The following TENM1 variants were observed in gnomAD, a reference collection of about 807,000 sequenced individuals.
TENM1 encodes teneurin transmembrane protein 1.
A neutral mutation model predicts 174.8 loss-of-function variants in TENM1; 35 were observed. The ratio of observed to expected loss-of-function variants is 0.20; its 90% CI spans 0.15 to 0.27. TENM1 has a LOEUF of 0.27. Among genes scored for constraint, TENM1 ranks in the 10% least tolerant of loss-of-function variants. TENM1 has a pLI of 1.00. For missense variants in TENM1, 1,633 were observed against 2,130.1 expected (o/e 0.77, Z 4.59); for synonymous variants, 781 against 798.7 (o/e 0.98, Z 0.37).
intron 4 of TENM1, among the ~76,000 whole-genome samples, chrX:124,720,352 C>T (rs1420448598): frequency 8.9e-6 from 1 of 112,162 alleles, no homozygotes; most frequent in Non-Finnish European, 1.9e-5. Flanking sequence ...CTTATTGTAA[C>T]CCAGACATTG....
At chrX:124,950,560 C>T (rs2058468015) in intron 1 of TENM1, among the ~76,000 whole-genome samples, 1 of 112,016 alleles carries the variant, frequency 8.9e-6, no homozygotes, top group African/African-American at 3.2e-5. Context: ...ATAGTGATTG[C>T]TGAGTTGAAC....
At chrX:124,693,635 G>T (rs2052581216) in intron 5 of TENM1, among the ~76,000 whole-genome samples, 1 of 111,009 alleles carries the variant, frequency 9.0e-6, no homozygotes, top group Admixed American at 9.6e-5. Flanking sequence ...GTACATTTCT[G>T]TTCTGAGTTT....
At chrX:124,839,271 T>G (rs1247611072) in intron 3 of TENM1, among the ~76,000 whole-genome samples, 4 of 111,791 alleles carry the variant, frequency 3.6e-5, no homozygotes, top group East Asian at 5.6e-4. Flanking sequence ...TATAGTAACA[T>G]TATACTATAC....
chrX:124,565,494 CCTT>C (rs2048920692), exon 12 of TENM1: 1 of 1,208,192 alleles, frequency 8.3e-7, no homozygotes, highest in South Asian at 1.8e-5. Context: ...TCCTACCCAG[CCTT>C]CTTCACACTG....
chrX:124,385,927 G>C, exon 29 of TENM1: 1 of 1,207,555 alleles, frequency 8.3e-7, no homozygotes, highest in Non-Finnish European at 1.1e-6. Flanking sequence ...GGGTGTAGAT[G>C]TTCCGGTAGT....
At chrX:124,663,895 T>C (rs1291863073) in intron 6 of TENM1, among the ~76,000 whole-genome samples, 1 of 111,352 alleles carries the variant, frequency 9.0e-6, no homozygotes, top group Non-Finnish European at 1.9e-5. Context: ...TTTCCATAAA[T>C]CTGTTTTAGA....
intron 25 of TENM1, among the ~76,000 whole-genome samples, chrX:124,409,424 A>G (rs1166086047): frequency 1.9e-5 from 2 of 108,101 alleles, no homozygotes; most frequent in Admixed American, 2.0e-4. Flanking sequence ...ATCATACTGA[A>G]TGGGCAAAAA....
chrX:124,867,691 G>A (rs1375686955), intron 3 of TENM1, among the ~76,000 whole-genome samples: 2 of 112,004 alleles, frequency 1.8e-5, no homozygotes, highest in African/African-American at 6.5e-5. Flanking sequence ...AAAGGACGAA[G>A]TGAAATTATC....
chrX:124,994,835 C>T, the TENM1 span, among the ~76,000 whole-genome samples: 1 of 111,494 alleles, frequency 9.0e-6, no homozygotes, highest in Non-Finnish European at 1.9e-5. Context: ...GCTTTTCATA[C>T]TGTAGTCAGA....
chrX:124,919,285 A>G (rs1159637164), intron 1 of TENM1, among the ~76,000 whole-genome samples: 1 of 112,038 alleles, frequency 8.9e-6, no homozygotes, highest in Admixed American at 9.5e-5. Context: ...ATTTCGATCA[A>G]TTGAAAGCTG....
At chrX:124,842,907 C>A (rs2056531006) in intron 3 of TENM1, among the ~76,000 whole-genome samples, 1 of 111,180 alleles carries the variant, frequency 9.0e-6, no homozygotes, top group Non-Finnish European at 1.9e-5. Flanking sequence ...GGACTATATT[C>A]CTCTGCATTG....
At chrX:125,050,311 C>T in the TENM1 span, among the ~76,000 whole-genome samples, 1 of 109,687 alleles carries the variant, frequency 9.1e-6, no homozygotes, top group Admixed American at 9.8e-5. Flanking sequence ...TCCCTCCCCC[C>T]TGCCCCCACC....
chrX:125,187,652 G>A, the TENM1 span, among the ~76,000 whole-genome samples: 1 of 111,390 alleles, frequency 9.0e-6, no homozygotes, highest in African/African-American at 3.3e-5. Flanking sequence ...CATTCTGGAA[G>A]AGATGGGGGA....
intron 16 of TENM1, 79 bp from the exon 20 acceptor site, chrX:124,523,704 T>C (rs2047907895): frequency 9.8e-7 from 1 of 1,017,885 alleles, no homozygotes; most frequent in East Asian, 3.3e-5. Flanking sequence ...TTAATTTCAG[T>C]GCCCTTTCCT....
chrX:124,582,873 G>C (rs776599017), intron 11 of TENM1, among the ~76,000 whole-genome samples: 56 of 112,385 alleles, frequency 5.0e-4, no homozygotes, highest in Non-Finnish European at 9.0e-4. Flanking sequence ...GGCACACCAG[G>C]AGATTATATC....
intron 3 of TENM1, among the ~76,000 whole-genome samples, chrX:124,824,918 G>T (rs749805730): frequency 5.4e-5 from 6 of 110,795 alleles, no homozygotes; most frequent in South Asian, 7.6e-4. Context: ...AGGATTTCCA[G>T]AAATAAATTA....
At chrX:124,833,496 G>A (rs778277374) in intron 3 of TENM1, among the ~76,000 whole-genome samples, 5 of 111,212 alleles carry the variant, frequency 4.5e-5, no homozygotes, top group South Asian at 3.8e-4. Flanking sequence ...CCTTGAAATC[G>A]TTCATTAGCT....
chrX:124,913,998 T>C (rs1217025777), intron 1 of TENM1, among the ~76,000 whole-genome samples: 1 of 112,027 alleles, frequency 8.9e-6, no homozygotes, highest in Non-Finnish European at 1.9e-5. Flanking sequence ...CTTGTATTGA[T>C]AAGCAAGGAA....
the TENM1 span, among the ~76,000 whole-genome samples, chrX:125,108,227 C>A: frequency 1.8e-5 from 2 of 111,291 alleles, no homozygotes; most frequent in Non-Finnish European, 3.8e-5. Flanking sequence ...AGAGTCTAAT[C>A]TCTCTGCTCT....
Sources: gnomAD v4.1 joint callset for allele counts (sites outside exome capture counted in the v4.1 genomes callset) on GRCh38, gnomAD v4.1.1 for gene constraint, MANE v1.5 for transcripts, NCBI Gene and HGNC (gene_info 2026-07-23, HGNC 2026-07-21) for gene names.